CDH18: variants seen among roughly 807,000 people sequenced by gnomAD.
The protein encoded by CDH18 is cadherin 18.
In CDH18, 31 loss-of-function variants were observed where a neutral mutation model predicts 67.9. The observed-to-expected ratio is 0.46, with a 90% confidence interval of 0.34 to 0.62. CDH18 has a LOEUF of 0.62. CDH18 is among the 20% of genes least tolerant of loss of function. The probability of loss-of-function intolerance (pLI) is 0.01; values close to 1 mark genes in which losing one functional copy is unlikely to be tolerated. For synonymous variants in CDH18, 362 were observed against 347.2 expected, an observed-to-expected ratio of 1.04 and a Z score of -0.48; for missense variants, 890 against 975.5, an observed-to-expected ratio of 0.91 and a Z score of 1.17.
chr5:20,261,754 A>G (rs1230771442), intron 1 of CDH18, among the ~76,000 whole-genome samples: 1 of 152,102 alleles, frequency 6.6e-6, no homozygotes, highest in Non-Finnish European at 1.5e-5. Flanking sequence ...ATAGAGAAAA[A>G]TAGTTATATT....
intron 1 of CDH18, among the ~76,000 whole-genome samples, chr5:20,487,203 G>A (rs559815908): frequency 3.3e-5 from 5 of 152,170 alleles, no homozygotes; most frequent in African/African-American, 9.6e-5. Flanking sequence ...TTCCAGTGAC[G>A]TTAAGGGATC....
intron 8 of CDH18, among the ~76,000 whole-genome samples, chr5:19,569,420 T>C (rs1434065427): frequency 6.6e-6 from 1 of 152,182 alleles, no homozygotes; most frequent in Non-Finnish European, 1.5e-5. Flanking sequence ...CTAAACACAG[T>C]GTGATGGTTA....
chr5:19,980,218 A>C (rs1029607848), intron 2 of CDH18, among the ~76,000 whole-genome samples: 5 of 151,968 alleles, frequency 3.3e-5, no homozygotes, highest in African/African-American at 1.2e-4. Context: ...AGCAAAAAAC[A>C]AAACAAAACT....
intron 2 of CDH18, among the ~76,000 whole-genome samples, chr5:19,940,544 A>G (rs1264336871): frequency 6.6e-6 from 1 of 152,108 alleles, no homozygotes; most frequent in Non-Finnish European, 1.5e-5. Context: ...CATTTCCTGC[A>G]TAAATCATCA....
intron 1 of CDH18, among the ~76,000 whole-genome samples, chr5:20,456,150 A>G (rs1750819485): frequency 6.6e-6 from 1 of 152,124 alleles, no homozygotes. Flanking sequence ...AAAAGACAGC[A>G]TTTAAATGAA....
intron 4 of CDH18, among the ~76,000 whole-genome samples, chr5:19,734,192 G>A (rs1270748594): frequency 6.6e-6 from 1 of 152,150 alleles, no homozygotes; most frequent in Non-Finnish European, 1.5e-5. Flanking sequence ...AAAGCAGCTG[G>A]TTGATTGAAA....
intron 2 of CDH18, among the ~76,000 whole-genome samples, chr5:20,215,743 G>A (rs764459200): frequency 6.6e-6 from 1 of 151,924 alleles, no homozygotes; most frequent in African/African-American, 2.4e-5. Flanking sequence ...ATAAGTGGCA[G>A]ACTGGATAAA....
At chr5:20,328,686 C>T (rs1324741224) in intron 1 of CDH18, among the ~76,000 whole-genome samples, 1 of 152,144 alleles carries the variant, frequency 6.6e-6, no homozygotes, top group Non-Finnish European at 1.5e-5. Context: ...TGAGACCTGC[C>T]TCAATCACTT....
intron 2 of CDH18, among the ~76,000 whole-genome samples, chr5:20,156,963 A>G (rs73050780): frequency 0.058 from 8,847 of 152,206 alleles, 270 homozygotes; most frequent in East Asian, 0.14. Context: ...CAATACCTCC[A>G]CCAGATGCCT....
At position 19,878,393 on chromosome 5, in the gene CDH18, C is replaced by T. The variant is rs972970347; in HGVS notation, c.-256-39151G>A. ...CTTTGCTACAATGTCAGAATACAAA[C>T]ATACGGCACACAAACAATTGTTAGG... On this transcript the variant is annotated intron_variant, in intron 2 of 12. Coordinates refer to ENST00000382275, the MANE Select transcript of CDH18 (RefSeq NM_004934.5). 2.6e-5 allele frequency among the ~76,000 whole-genome samples: 4 copies of T among 152,132 alleles called. 1 individual carries two copies. The highest frequency in any genetic ancestry group is 5.9e-5 in the Non-Finnish European group (4 of 67,960).
intron 8 of CDH18, among the ~76,000 whole-genome samples, chr5:19,553,503 TA>T: frequency 6.6e-6 from 1 of 152,010 alleles, no homozygotes; most frequent in South Asian, 2.1e-4. Flanking sequence ...ACATGAATGG[TA>T]AAGCAAATGT....
chr5:19,735,755 A>C (rs1470797733), intron 4 of CDH18, among the ~76,000 whole-genome samples: 1 of 152,180 alleles, frequency 6.6e-6, no homozygotes, highest in East Asian at 1.9e-4. Context: ...AATAAATACA[A>C]GTCCAGTGCT....
intron 2 of CDH18, among the ~76,000 whole-genome samples, chr5:19,849,525 C>T (rs1259130536): frequency 2.6e-5 from 4 of 151,008 alleles, no homozygotes; most frequent in Non-Finnish European, 5.9e-5. Context: ...TAAATGTACG[C>T]TTTGTGTTGA....
chr5:19,584,777 G>A (rs1234432186), intron 7 of CDH18, among the ~76,000 whole-genome samples: 1 of 89,064 alleles, frequency 1.1e-5, no homozygotes, highest in Non-Finnish European at 2.1e-5. Flanking sequence ...GTGAGGCCCC[G>A]TTTCTACTAA....
intron 2 of CDH18, among the ~76,000 whole-genome samples, chr5:20,229,289 T>G (rs1741881117): frequency 2.6e-5 from 4 of 152,142 alleles, no homozygotes. Flanking sequence ...CATTCTAATC[T>G]ATTAACCCAA....
chr5:20,360,749 G>T (rs1323892891), intron 1 of CDH18, among the ~76,000 whole-genome samples: 1 of 152,070 alleles, frequency 6.6e-6, no homozygotes, highest in East Asian at 1.9e-4. Flanking sequence ...TGCTGTTGAG[G>T]TTACAGCATT....
At chr5:20,167,375 G>C (rs1269518146) in intron 2 of CDH18, among the ~76,000 whole-genome samples, 1 of 151,928 alleles carries the variant, frequency 6.6e-6, no homozygotes, top group Non-Finnish European at 1.5e-5. Flanking sequence ...GATCGGGAGA[G>C]GGCAGACCTG....
chr5:19,677,477 A>G (rs1438424304), intron 5 of CDH18, among the ~76,000 whole-genome samples: 1 of 152,100 alleles, frequency 6.6e-6, no homozygotes, highest in Admixed American at 6.6e-5. Flanking sequence ...TACATAGTCC[A>G]TTGATACTAT....
intron 1 of CDH18, among the ~76,000 whole-genome samples, chr5:20,563,371 A>G (rs1436664025): frequency 3.9e-5 from 6 of 152,116 alleles, no homozygotes; most frequent in Non-Finnish European, 8.8e-5. Flanking sequence ...TTTGAAGCAC[A>G]GTTTCAAGCT....
Sources: allele counts gnomAD v4.1 joint callset (sites outside exome capture counted in the v4.1 genomes callset), GRCh38; gene constraint gnomAD v4.1.1; transcripts MANE v1.5; gene names NCBI Gene and HGNC (gene_info 2026-07-23, HGNC 2026-07-21).